The following PIK3C2G variants were observed in gnomAD, a reference collection of about 807,000 sequenced individuals.
PIK3C2G encodes phosphatidylinositol 3-kinase C2 domain-containing subunit gamma.
In PIK3C2G, 168 loss-of-function variants were observed where a neutral mutation model predicts 181.1. That is an observed-to-expected ratio of 0.93 (90% confidence interval 0.82 to 1.05). PIK3C2G has a LOEUF of 1.05. PIK3C2G is among the 50% of genes least tolerant of loss of function. The pLI, the probability that PIK3C2G is intolerant of heterozygous loss-of-function variation, is 0.00. For missense variants in PIK3C2G, 1,869 were observed against 1,732.8 expected (o/e 1.08, Z -1.40); for synonymous variants, 573 against 592.2 (o/e 0.97, Z 0.47).
At chr12:18,571,380 A>G (rs1945933158) in intron 29 of PIK3C2G, among the ~76,000 whole-genome samples, 1 of 150,718 alleles carries the variant, frequency 6.6e-6, no homozygotes, top group African/African-American at 2.5e-5. Context: ...AGTGTTCTAC[A>G]CGTGTATATT....
At chr12:18,261,268 A>G (rs1258554108), upstream of PIK3C2G, among the ~76,000 whole-genome samples, 2 of 152,140 alleles carry the variant, frequency 1.3e-5, no homozygotes, top group African/African-American at 4.8e-5. Flanking sequence ...TTTCGTTTGT[A>G]TATTGCTGAT....
chr12:18,456,083 G>T (rs1947611097), intron 18 of PIK3C2G, among the ~76,000 whole-genome samples: 1 of 152,114 alleles, frequency 6.6e-6, no homozygotes, highest in East Asian at 1.9e-4. Flanking sequence ...ACAAGTCCTT[G>T]TTCTCAAGAA....
At chr12:18,558,355 TA>T (rs748389251) in intron 26 of PIK3C2G, among the ~76,000 whole-genome samples, 13 of 152,208 alleles carry the variant, frequency 8.5e-5, no homozygotes, top group Non-Finnish European at 1.9e-4. Flanking sequence ...TGTTCTGAAT[TA>T]GAAAGATTGT....
At chr12:18,705,202 C>CAT in the PIK3C2G span, 2 of 1,613,984 alleles carry the variant, frequency 1.2e-6, no homozygotes, top group Non-Finnish European at 1.7e-6. Flanking sequence ...AATCATCAAG[C>CAT]ATATCAGAAA....
chr12:18,600,013 C>T (rs1448300819), intron 30 of PIK3C2G, among the ~76,000 whole-genome samples: 1 of 151,758 alleles, frequency 6.6e-6, no homozygotes, highest in Non-Finnish European at 1.5e-5. Context: ...TATTTCACAT[C>T]TTGATTTATG....
chr12:18,654,281 A>C, the PIK3C2G span, among the ~76,000 whole-genome samples: 1 of 118,370 alleles, frequency 8.4e-6, no homozygotes, highest in Non-Finnish European at 1.7e-5. Flanking sequence ...TTTCCAAAAG[A>C]AACACTAGTA....
At chr12:18,694,834 G>A in the PIK3C2G span, 1 of 1,147,476 alleles carries the variant, frequency 8.7e-7, no homozygotes, top group African/African-American at 1.6e-5. Context: ...CAAATCAGTG[G>A]AATTCAAAAT....
Position 18,290,860 on chromosome 12 carries a change from G to A in PIK3C2G, c.767G>A (p.Arg256Lys). ...ASFCNKVKKI[R>K]ERYHAADVNF... ...TCTTAACATATGTTTTTCAGAATCA[G>A]AGAAAGATATCATGCAGCTGATGTT... The change falls in exon 4 of 33, where the codon AGA becomes AAA. Residue 256 changes from arginine (R) to lysine (K), a missense_variant. Arg to Lys is a conservative substitution (Grantham distance 26). Coordinates refer to ENST00000538779, the MANE Select transcript of PIK3C2G (RefSeq NM_001288772.2). 2 of 1,597,136 alleles carry A rather than the reference G, an allele frequency of 1.3e-6. No homozygotes were observed. The highest frequency in any genetic ancestry group is 1.7e-6 in the Non-Finnish European group (2 of 1,165,960).
At chr12:18,579,547 C>G (rs1946389697) in intron 29 of PIK3C2G, among the ~76,000 whole-genome samples, 1 of 152,074 alleles carries the variant, frequency 6.6e-6, no homozygotes, top group African/African-American at 2.4e-5. Context: ...GTTCCTCTGT[C>G]TGTCTCTCTC....
chr12:18,456,972 T>C (rs2135917996), intron 18 of PIK3C2G, among the ~76,000 whole-genome samples: 1 of 152,270 alleles, frequency 6.6e-6, no homozygotes, highest in East Asian at 1.9e-4. Flanking sequence ...TTTTGAGAAC[T>C]TTGTAATCTT....
chr12:18,580,239 G>A (rs1042639255), intron 29 of PIK3C2G, among the ~76,000 whole-genome samples: 2 of 152,090 alleles, frequency 1.3e-5, no homozygotes, highest in Admixed American at 6.6e-5. Context: ...GGTTAGCTGA[G>A]ATATTCAAAC....
At chr12:18,256,873 G>A (rs971025856), upstream of PIK3C2G, among the ~76,000 whole-genome samples, 9 of 151,808 alleles carry the variant, frequency 5.9e-5, no homozygotes, top group African/African-American at 2.2e-4. Context: ...AAGATTAGAT[G>A]TCATTAAAAC....
intron 18 of PIK3C2G, among the ~76,000 whole-genome samples, chr12:18,460,973 C>T (rs1470377861): frequency 2.0e-5 from 3 of 151,948 alleles, no homozygotes; most frequent in African/African-American, 7.3e-5. Context: ...AGTTAATACA[C>T]GTAAAATGCT....
At chr12:18,325,803 G>A (rs938630135) in intron 8 of PIK3C2G, among the ~76,000 whole-genome samples, 1 of 151,892 alleles carries the variant, frequency 6.6e-6, no homozygotes, top group African/African-American at 2.4e-5. Context: ...TGCAGTTAGT[G>A]TTCAAAGTTA....
At chr12:18,684,351 C>G in the PIK3C2G span, 2 of 1,445,010 alleles carry the variant, frequency 1.4e-6, no homozygotes, top group Non-Finnish European at 1.9e-6. Context: ...TACATTTGTT[C>G]TCCAAACTTT....
upstream of PIK3C2G, among the ~76,000 whole-genome samples, chr12:18,260,665 T>A (rs1166026198): frequency 6.6e-6 from 1 of 151,196 alleles, no homozygotes; most frequent in African/African-American, 2.4e-5. Context: ...CTACTATAAA[T>A]CTAAAAAGAA....
intron 31 of PIK3C2G, among the ~76,000 whole-genome samples, chr12:18,633,919 G>A (rs1261181045): frequency 2.6e-5 from 4 of 152,140 alleles, no homozygotes; most frequent in African/African-American, 9.7e-5. Flanking sequence ...AAATTTGCTT[G>A]TTACTCACTG....
chr12:18,695,136 C>T, the PIK3C2G span: 1 of 1,505,746 alleles, frequency 6.6e-7, no homozygotes, highest in Non-Finnish European at 9.2e-7. Context: ...AATAAAGGAA[C>T]ACAAACCACT....
At chr12:18,430,418 T>C (rs1204329605) in intron 18 of PIK3C2G, among the ~76,000 whole-genome samples, 8 of 152,212 alleles carry the variant, frequency 5.3e-5, no homozygotes, top group African/African-American at 1.4e-4. Context: ...TTTCAAAGTA[T>C]GGGGATAACC....
Sources: gnomAD v4.1 joint callset for allele counts (sites outside exome capture counted in the v4.1 genomes callset) on GRCh38, gnomAD v4.1.1 for gene constraint, MANE v1.5 for transcripts, NCBI Gene and HGNC (gene_info 2026-07-23, HGNC 2026-07-21) for gene names.